Variants in SYNE2 observed in about 807,000 individuals in gnomAD.
SYNE2 encodes nesprin-2.
Under a neutral mutation model 856.3 loss-of-function variants are expected in SYNE2, and 431 were observed. The observed-to-expected ratio is 0.50, with a 90% CI of 0.47 to 0.55. SYNE2 has a LOEUF of 0.55. Ranked by LOEUF, SYNE2 falls within the 20% of genes least tolerant of loss-of-function variation. SYNE2 has a pLI of 0.00. For missense variants in SYNE2, 8,129 were observed against 8,023.2 expected (o/e 1.01, Z -0.50); for synonymous variants, 2,923 against 2,872.3 (o/e 1.02, Z -0.56).
intron 99 of SYNE2, among the ~76,000 whole-genome samples, chr14:64,193,285 C>T (rs1464250506): frequency 6.6e-6 from 1 of 152,216 alleles, no homozygotes; most frequent in African/African-American, 2.4e-5. Flanking sequence ...CATAGCGGCT[C>T]ATGCCTGTAA....
At chr14:64,216,845 C>G (rs928130588) in intron 108 of SYNE2, among the ~76,000 whole-genome samples, 18 of 152,344 alleles carry the variant, frequency 1.2e-4, no homozygotes, top group Admixed American at 1.0e-3. Context: ...CTGCCTCAGC[C>G]TCCCAAGTAG....
intron 6 of SYNE2, among the ~76,000 whole-genome samples, chr14:63,944,340 A>G (rs908591890): frequency 2.0e-5 from 3 of 149,060 alleles, no homozygotes; most frequent in Non-Finnish European, 4.4e-5. Flanking sequence ...TGTTTGTTGT[A>G]AAGTACTATA....
At chr14:64,042,620 T>TA (rs1357070858) in intron 45 of SYNE2, among the ~76,000 whole-genome samples, 1 of 152,174 alleles carries the variant, frequency 6.6e-6, no homozygotes, top group Admixed American at 6.5e-5. Flanking sequence ...CTGATGGTTT[T>TA]AAAAAATGGG....
rs559710721 is a variant in SYNE2 at position 64,218,768 on chromosome 14, T to G, written c.19657+256T>G. Among the ~76,000 whole-genome samples the G allele has an allele frequency of 1.1e-3, 160 of 152,344 alleles. 1 individual carries two copies. Among genetic ancestry groups the G allele is most frequent in the African/African-American group, 3.7e-3 (152 of 41,574 alleles). On this transcript the variant is annotated intron_variant, in intron 109 of 115. Transcript: ENST00000555002. ...CCTGAGGAAGTGCAGGTTTTCACTT[T>G]CTATATTTGTGTGTAAAGATCAGAC...
At chr14:63,818,040 A>AAAC (rs1328184095) in intron 1 of SYNE2, among the ~76,000 whole-genome samples, 2 of 132,968 alleles carry the variant, frequency 1.5e-5, no homozygotes, top group South Asian at 2.2e-4. Context: ...AAAAAAAAAA[A>AAAC]AAAAAACAAA....
intron 1 of SYNE2, among the ~76,000 whole-genome samples, chr14:63,806,731 G>T (rs1193631938): frequency 6.6e-6 from 1 of 151,852 alleles, no homozygotes; most frequent in Non-Finnish European, 1.5e-5. Context: ...TAACAAATCT[G>T]GCTGTTCCGA....
Position 64,209,960 on chromosome 14 carries a change from C to G in SYNE2, c.18559C>G (p.His6187Asp). 1 of 1,614,112 alleles carries G rather than the reference C, an allele frequency of 6.2e-7. No homozygotes were observed. ...KRFEAFQRQI[H>D]ERLTQLELIN... Reference sequence around the variant, plus strand: ...GATGCAGGCCTTTCAGCGGCAGATTCATGAGCGGCTCACTCAGCTGGAGCT... The same window carrying G: ...GATGCAGGCCTTTCAGCGGCAGATTGATGAGCGGCTCACTCAGCTGGAGCT... Residue 6187 changes from histidine to aspartate, a missense_variant, in exon 103 of 116, where the codon CAT becomes GAT. His to Asp is a moderately conservative substitution (Grantham distance 81). Around this residue, in one of 3 missense-constraint regions of SYNE2, gnomAD observed 5,410 missense variants for 5,284.8 expected, o/e 1.02. Transcript: ENST00000555002.
chr14:64,056,352 C>T (rs1328917733), intron 49 of SYNE2, 86 bp downstream of exon 49: 5 of 1,279,956 alleles, frequency 3.9e-6, no homozygotes, highest in Non-Finnish European at 5.4e-6. Flanking sequence ...GTTTTAAGAA[C>T]ATAAAATATA....
rs147576799 is a variant in SYNE2, at chr14:64,094,852, C to T, written c.12108+1372C>T. Among the ~76,000 whole-genome samples the T allele has an allele frequency of 5.9e-3, 896 of 151,970 alleles. 12 individuals carry two copies. Among genetic ancestry groups the T allele is most frequent in the African/African-American group, 0.021 (874 of 41,442 alleles). Reference sequence around the variant, plus strand: ...TAGTTTTTAAGCAACAATAATAAACCCACTACATATTAATAGGAATAACTA... The same window carrying T: ...TAGTTTTTAAGCAACAATAATAAACTCACTACATATTAATAGGAATAACTA... On this transcript the variant is annotated intron_variant, in intron 61 of 115. Transcript: ENST00000555002.
In SYNE2 at chr14:64,138,037, C is replaced by T. The variant is rs763389664; in HGVS notation, c.14843+54C>T. The T allele has an allele frequency of 2.7e-5, 43 of 1,566,942 alleles. No individual in the cohort carries two copies. In the East Asian group the frequency reaches 5.0e-4, roughly 18 times the overall value. ...CATATTGTGCTGTGAAGAAAGACCT[C>T]GGGGATTCTGTAGTCAACTAAATTT... On this transcript the variant is annotated intron_variant, in intron 79 of 115. Coordinates refer to ENST00000555002, the MANE Select transcript of SYNE2 (RefSeq NM_182914.3).
At chr14:64,091,103 T>C in intron 60 of SYNE2, 55 bp downstream of exon 60, 1 of 1,555,278 alleles carries the variant, frequency 6.4e-7, no homozygotes. Context: ...CACCAAAAGC[T>C]GGTTTGGTTT....
chr14:63,981,242 C>G (rs1325800704), intron 16 of SYNE2, 69 bp downstream of exon 16: 2 of 1,341,620 alleles, frequency 1.5e-6, no homozygotes, highest in African/African-American at 1.4e-5. Flanking sequence ...CCCTCATTTT[C>G]AATCCAAAGA....
rs774990082 is a variant in SYNE2 at position 64,213,010 on chromosome 14, G to A, written c.19056+5G>A. On this transcript the variant is annotated splice_donor_5th_base_variant and intron_variant, in intron 105 of 115. Transcript: ENST00000555002. ...CGGCTCACCTCCTGCACTCCGGTAC[G>A]GGCACTGCTGCCTAGAAATGGCACC... 52 of 1,612,746 alleles carry A rather than the reference G, an allele frequency of 3.2e-5. No individual in the cohort carries two copies. Among genetic ancestry groups the A allele is most frequent in the African/African-American group, 1.6e-4 (12 of 75,006 alleles).
intron 1 of SYNE2, among the ~76,000 whole-genome samples, chr14:63,836,644 C>T (rs1397923921): frequency 2.0e-5 from 3 of 152,086 alleles, no homozygotes; most frequent in Non-Finnish European, 4.4e-5. Context: ...TGTCATTTAC[C>T]GTTCCCACTA....
At chr14:64,198,166 C>G (rs1168745026) in intron 99 of SYNE2, among the ~76,000 whole-genome samples, 1 of 152,168 alleles carries the variant, frequency 6.6e-6, no homozygotes, top group East Asian at 1.9e-4. Context: ...GTTAAGAGCA[C>G]CTGGGTCAAA....
chr14:64,022,957 G>A (rs984708961), intron 38 of SYNE2, 94 bp downstream of exon 38: 1 of 758,370 alleles, frequency 1.3e-6, no homozygotes, highest in Non-Finnish European at 2.3e-6. Context: ...GGCTGGGCAT[G>A]GTAACTCACA....
intron 1 of SYNE2, among the ~76,000 whole-genome samples, chr14:63,828,571 C>G (rs144865635): frequency 0.023 from 3,459 of 151,940 alleles, 61 homozygotes; most frequent in Non-Finnish European, 0.034. Flanking sequence ...CCCAGGAGTT[C>G]AAGATCAGCC....
At chr14:64,168,609 A>G (rs193199713) in intron 92 of SYNE2, among the ~76,000 whole-genome samples, 43 of 152,330 alleles carry the variant, frequency 2.8e-4, no homozygotes, top group African/African-American at 9.6e-4. Flanking sequence ...AAATGAGACA[A>G]TGCATGTTTT....
At chr14:63,953,271 G>A (rs1442868322) in intron 7 of SYNE2, among the ~76,000 whole-genome samples, 2 of 152,212 alleles carry the variant, frequency 1.3e-5, no homozygotes, top group Admixed American at 1.3e-4. Flanking sequence ...GGGCTTTGCT[G>A]CGGAGAGACT....
Sources: gnomAD v4.1 joint callset for allele counts (sites outside exome capture counted in the v4.1 genomes callset) on GRCh38, gnomAD v4.1.1 for gene constraint, gnomAD v4.1.1 regional missense constraint, MANE v1.5 for transcripts, NCBI Gene and HGNC (gene_info 2026-07-23, HGNC 2026-07-21) for gene names.